SMARCC1: variants seen among roughly 807,000 people sequenced by gnomAD.
SMARCC1 encodes the protein SWI/SNF related BAF chromatin remodeling complex subunit C1, also known as SWI/SNF complex subunit SMARCC1.
In SMARCC1, 43 loss-of-function variants were observed where a neutral mutation model predicts 147.4. The observed-to-expected ratio is 0.29, with a 90% CI of 0.23 to 0.38. The LOEUF (loss-of-function observed/expected upper bound fraction) is 0.38, where lower values mean the gene tolerates loss of function less well. Ranked by LOEUF, SMARCC1 falls within the 10% of genes least tolerant of loss-of-function variation. SMARCC1 has a pLI of 1.00. For synonymous variants in SMARCC1, 495 were observed against 484.4 expected (o/e 1.02, Z -0.29); for missense variants, 1,119 against 1,381.1 (o/e 0.81, Z 3.01).
intron 1 of SMARCC1, 107 bp downstream of exon 1, chr3:47,781,496 C>T (rs1420394948): frequency 6.6e-6 from 5 of 754,494 alleles, no homozygotes; most frequent in Non-Finnish European, 1.9e-6. Flanking sequence ...CCTTTGTTGT[C>T]CCTCGTGGCG....
At chr3:47,745,464 G>A (rs2034554698) in intron 3 of SMARCC1, among the ~76,000 whole-genome samples, 2 of 152,084 alleles carry the variant, frequency 1.3e-5, no homozygotes, top group African/African-American at 4.8e-5. Flanking sequence ...TGTAATCCCA[G>A]CACTTTGGGA....
intron 24 of SMARCC1, among the ~76,000 whole-genome samples, chr3:47,630,173 TGGGGGTG>T (rs1310121860): frequency 6.0e-4 from 1 of 1,674 alleles, no homozygotes; most frequent in African/African-American, 2.2e-3. Flanking sequence ...TGGGGCAGGG[TGGGGGTG>T]GGGGGTGGGG....
chr3:47,601,513 C>T (rs1442486835), intron 26 of SMARCC1, among the ~76,000 whole-genome samples: 7 of 152,082 alleles, frequency 4.6e-5, no homozygotes, highest in Admixed American at 2.0e-4. Context: ...CCCACAGCAG[C>T]TTCCTGGGGA....
chr3:47,686,211 CAG>C, intron 13 of SMARCC1, 41 bp from the exon 14 acceptor site: 3 of 1,542,140 alleles, frequency 1.9e-6, no homozygotes, highest in African/African-American at 1.4e-5. Context: ...GAAAGAACTA[CAG>C]AGAGAGATAT....
chr3:47,664,322 T>C (rs564436888), intron 19 of SMARCC1, among the ~76,000 whole-genome samples: 26 of 152,122 alleles, frequency 1.7e-4, no homozygotes, highest in Admixed American at 7.2e-4. Context: ...GGAAGAGATA[T>C]ATTGTGTTCA....
intron 21 of SMARCC1, among the ~76,000 whole-genome samples, chr3:47,644,452 T>C (rs2033092186): frequency 6.6e-6 from 1 of 152,016 alleles, no homozygotes; most frequent in Admixed American, 6.6e-5. Flanking sequence ...GCTATGATTG[T>C]ACCTCTGCAC....
chr3:47,679,230 G>GT (rs2033610129), intron 15 of SMARCC1, among the ~76,000 whole-genome samples: 1 of 146,626 alleles, frequency 6.8e-6, no homozygotes, highest in African/African-American at 2.5e-5. Flanking sequence ...AAAAAAAAAA[G>GT]TAACAGATTA....
chr3:47,590,533 G>A, intron 27 of SMARCC1, 128 bp downstream of exon 27: 1 of 720,462 alleles, frequency 1.4e-6, no homozygotes, highest in Non-Finnish European at 2.1e-6. Flanking sequence ...TCTTTGAGAA[G>A]CCACTGTCAC....
At position 47,598,659 on chromosome 3, in the gene SMARCC1, G is replaced by A. The variant is rs557908774; in HGVS notation, c.3044-7822C>T. ...AGCCTGGCCAACATAGTGAAACCTC[G>A]TCTCTACTAAAAATATAAAAATCAG... On this transcript the variant is annotated intron_variant, in intron 26 of 27. Coordinates refer to ENST00000254480, the MANE Select transcript of SMARCC1 (RefSeq NM_003074.4). Among the ~76,000 whole-genome samples, 7 of 151,826 alleles carry A rather than the reference G, an allele frequency of 4.6e-5. No individual in the cohort carries two copies. The East Asian group carries it at 7.8e-4, about 17-fold the overall frequency.
chr3:47,698,911 G>T (rs964217344), intron 11 of SMARCC1, among the ~76,000 whole-genome samples: 2 of 152,048 alleles, frequency 1.3e-5, no homozygotes, highest in Non-Finnish European at 2.9e-5. Context: ...TTCAACAAAG[G>T]CAGCAAAATA....
chr3:47,714,387 G>A (rs760361392), intron 8 of SMARCC1, 28 bp downstream of exon 8: 3 of 1,381,680 alleles, frequency 2.2e-6, no homozygotes, highest in South Asian at 1.2e-5. Flanking sequence ...AAAGATTATT[G>A]TAAGATTTTT....
At chr3:47,620,190 C>T (rs1303385601) in intron 25 of SMARCC1, among the ~76,000 whole-genome samples, 1 of 152,082 alleles carries the variant, frequency 6.6e-6, no homozygotes, top group Non-Finnish European at 1.5e-5. Context: ...TGGCCAGGTG[C>T]GGTGGCTCAC....
intron 14 of SMARCC1, among the ~76,000 whole-genome samples, chr3:47,681,514 T>C (rs1268075985): frequency 3.9e-5 from 6 of 152,186 alleles, no homozygotes; most frequent in South Asian, 2.1e-4. Context: ...ACTGTATATC[T>C]AGCACAAAGT....
chr3:47,662,294 G>T, intron 20 of SMARCC1, 40 bp downstream of exon 20: 1 of 1,568,298 alleles, frequency 6.4e-7, no homozygotes, highest in Non-Finnish European at 8.7e-7. Flanking sequence ...GGGATAAACT[G>T]AGTTTTTCTG....
At chr3:47,646,677 C>T (rs7621236) in intron 21 of SMARCC1, among the ~76,000 whole-genome samples, 4 of 151,942 alleles carry the variant, frequency 2.6e-5, no homozygotes, top group African/African-American at 9.7e-5. Flanking sequence ...TGGCAGGAAC[C>T]ACCCTCCATT....
intron 2 of SMARCC1, among the ~76,000 whole-genome samples, chr3:47,748,246 C>T (rs2034588495): frequency 6.6e-6 from 1 of 152,158 alleles, no homozygotes; most frequent in African/African-American, 2.4e-5. Flanking sequence ...CAGGGTCTCA[C>T]TGTGTTGCTC....
intron 5 of SMARCC1, among the ~76,000 whole-genome samples, chr3:47,732,652 GAC>G (rs2034387770): frequency 6.6e-6 from 1 of 152,142 alleles, no homozygotes; most frequent in African/African-American, 2.4e-5. Context: ...AGGCAGGCTA[GAC>G]AAGAGGTAGA....
At chr3:47,656,980 A>C (rs1227796060) in intron 21 of SMARCC1, among the ~76,000 whole-genome samples, 1 of 152,224 alleles carries the variant, frequency 6.6e-6, no homozygotes, top group African/African-American at 2.4e-5. Context: ...ATGGCACGCT[A>C]ATATCAGGTA....
chr3:47,718,470 AC>A (rs1156850467), intron 7 of SMARCC1, among the ~76,000 whole-genome samples: 2 of 152,162 alleles, frequency 1.3e-5, no homozygotes, highest in African/African-American at 4.8e-5. Flanking sequence ...CTTTTTAAAT[AC>A]ATACTAAAAC....
Sources: allele counts gnomAD v4.1 joint callset (sites outside exome capture counted in the v4.1 genomes callset), GRCh38; gene constraint gnomAD v4.1.1; transcripts MANE v1.5; gene names NCBI Gene and HGNC (gene_info 2026-07-23, HGNC 2026-07-21).